Variants in THSD7B observed in about 807,000 individuals in gnomAD.
THSD7B encodes the protein thrombospondin type 1 domain containing 7B, also known as thrombospondin type-1 domain-containing protein 7B.
Under a neutral mutation model 213.6 loss-of-function variants are expected in THSD7B, and 138 were observed. The observed-to-expected ratio is 0.65, with a 90% CI of 0.56 to 0.74. THSD7B has a LOEUF of 0.74. Ranked by LOEUF, THSD7B falls within the 30% of genes least tolerant of loss-of-function variation. The probability of loss-of-function intolerance (pLI) is 0.00; values close to 1 mark genes in which losing one functional copy is unlikely to be tolerated. For synonymous variants in THSD7B, 742 were observed against 687.0 expected (o/e 1.08, Z -1.25); for missense variants, 1,931 against 1,991.5 (o/e 0.97, Z 0.58).
At chr2:136,814,676 A>G (rs992990043) in intron 1 of THSD7B, among the ~76,000 whole-genome samples, 2 of 152,130 alleles carry the variant, frequency 1.3e-5, no homozygotes. Context: ...GGGATTACAG[A>G]CGTGGTTTTA....
chr2:137,487,102 C>T (rs1236517327), intron 15 of THSD7B, among the ~76,000 whole-genome samples: 3 of 150,570 alleles, frequency 2.0e-5, no homozygotes, highest in African/African-American at 7.5e-5. Context: ...GGCGCGGTGG[C>T]TCACGCCTGT....
At chr2:136,940,012 G>C (rs1684793967) in intron 2 of THSD7B, among the ~76,000 whole-genome samples, 1 of 152,066 alleles carries the variant, frequency 6.6e-6, no homozygotes, top group Non-Finnish European at 1.5e-5. Context: ...CCTTCCTTCT[G>C]TATGATAAAT....
intron 5 of THSD7B, among the ~76,000 whole-genome samples, chr2:137,142,973 A>G (rs979853346): frequency 6.6e-6 from 1 of 152,136 alleles, no homozygotes; most frequent in Non-Finnish European, 1.5e-5. Context: ...CAGATATTTC[A>G]ATGTTGAACT....
chr2:136,969,332 G>A (rs1004745005), intron 2 of THSD7B, among the ~76,000 whole-genome samples: 9 of 152,076 alleles, frequency 5.9e-5, no homozygotes, highest in African/African-American at 2.2e-4. Context: ...CATGGCTATG[G>A]TAAACCTGTA....
intron 1 of THSD7B, among the ~76,000 whole-genome samples, chr2:136,851,779 A>G (rs900545277): frequency 2.0e-5 from 3 of 152,106 alleles, no homozygotes; most frequent in African/African-American, 7.2e-5. Flanking sequence ...GGACAAAGTA[A>G]TTCATATTGG....
Position 136,935,951 on chromosome 2 carries a change from T to G in THSD7B, c.139+53634T>G, listed in dbSNP as rs544691690. On this transcript the variant is annotated intron_variant, in intron 2 of 27. Coordinates refer to ENST00000409968, the MANE Select transcript of THSD7B (RefSeq NM_001316349.2). ...ATAATTATAATTATATAATTATATA[T>G]TCTAGAGAATATTCTAAATATATTA... Among the ~76,000 whole-genome samples, 255 of 147,974 alleles carry G rather than the reference T, an allele frequency of 1.7e-3. 1 individual carries two copies. Among genetic ancestry groups the G allele is most frequent in the African/African-American group, 6.0e-3 (246 of 40,856 alleles).
At chr2:137,463,404 T>C (rs1466680404) in intron 15 of THSD7B, among the ~76,000 whole-genome samples, 1 of 151,500 alleles carries the variant, frequency 6.6e-6, no homozygotes, top group Non-Finnish European at 1.5e-5. Context: ...ACTCAACTGC[T>C]TTTTTTTTCT....
chr2:137,208,349 C>G (rs1438576755), intron 7 of THSD7B, among the ~76,000 whole-genome samples: 1 of 151,990 alleles, frequency 6.6e-6, no homozygotes, highest in Non-Finnish European at 1.5e-5. Context: ...CTTCAGACCC[C>G]CAGTAAACTT....
intron 2 of THSD7B, among the ~76,000 whole-genome samples, chr2:136,907,134 G>C (rs550175679): frequency 1.4e-4 from 21 of 151,548 alleles, no homozygotes; most frequent in African/African-American, 4.6e-4. Context: ...TAGTAGAAAC[G>C]GGATTTCGCC....
chr2:137,659,489 A>C (rs917972472), intron 24 of THSD7B, among the ~76,000 whole-genome samples, 175 bp from the exon 25 acceptor site: 4 of 152,198 alleles, frequency 2.6e-5, no homozygotes, highest in African/African-American at 7.2e-5. Flanking sequence ...TCCCATCTCA[A>C]TTCATTTTAG....
chr2:137,056,324 G>A lies in THSD7B; in HGVS notation c.140-96G>A, dbSNP rs763241160. 4.8e-4 allele frequency: 617 copies of A among 1,275,086 alleles called. 1 individual carries two copies. Among genetic ancestry groups the A allele is most frequent in the Non-Finnish European group, 6.0e-4 (565 of 939,350 alleles). 79.0% of individuals were successfully genotyped at this position (1,275,086 alleles called of 1,614,324 possible). A position where few individuals can be genotyped will look rare whatever the true frequency, so the allele number is the denominator to read the frequency against. On this transcript the variant is annotated intron_variant, in intron 2 of 27. Transcript: ENST00000409968. ...CCACCAAAATTCCTAATTTCATACT[G>A]CTTGTGTTGGAAAGTGTGTTAATTG...
At chr2:137,664,387 T>C (rs1282246827) in intron 26 of THSD7B, among the ~76,000 whole-genome samples, 1 of 152,170 alleles carries the variant, frequency 6.6e-6, no homozygotes, top group East Asian at 1.9e-4. Context: ...TTATGTATAG[T>C]TTCTTAACTT....
chr2:137,001,325 A>G (rs1573759369), intron 2 of THSD7B, among the ~76,000 whole-genome samples: 2 of 152,104 alleles, frequency 1.3e-5, no homozygotes, highest in African/African-American at 4.8e-5. Flanking sequence ...TAAAATCACA[A>G]TTTCTGGCCA....
At chr2:137,062,686 ATTC>A (rs1687299882) in intron 3 of THSD7B, among the ~76,000 whole-genome samples, 2 of 151,740 alleles carry the variant, frequency 1.3e-5, no homozygotes, top group Non-Finnish European at 1.5e-5. Flanking sequence ...TATGATTTCT[ATTC>A]TTTTAGATTT....
At chr2:137,053,669 A>G (rs563888277) in intron 2 of THSD7B, among the ~76,000 whole-genome samples, 13 of 152,260 alleles carry the variant, frequency 8.5e-5, no homozygotes, top group Admixed American at 5.9e-4. Flanking sequence ...GTGTAATATT[A>G]ACTTTTGAAG....
chr2:137,022,120 G>A (rs1686455213), intron 2 of THSD7B, among the ~76,000 whole-genome samples: 1 of 152,082 alleles, frequency 6.6e-6, no homozygotes, highest in Non-Finnish European at 1.5e-5. Context: ...TTTCCAGTTT[G>A]GGGCTACGAT....
chr2:137,409,062 C>T (rs1686591486), intron 13 of THSD7B, among the ~76,000 whole-genome samples: 1 of 152,154 alleles, frequency 6.6e-6, no homozygotes, highest in African/African-American at 2.4e-5. Flanking sequence ...TACAAATGGG[C>T]ACAAATCATA....
intron 12 of THSD7B, among the ~76,000 whole-genome samples, chr2:137,280,210 A>G (rs541581275): frequency 6.6e-6 from 1 of 152,282 alleles, no homozygotes; most frequent in African/African-American, 2.4e-5. Flanking sequence ...AATCCATAAA[A>G]GTAAAAACTG....
intron 2 of THSD7B, among the ~76,000 whole-genome samples, chr2:136,937,947 G>A (rs113047974): frequency 2.0e-5 from 3 of 152,244 alleles, no homozygotes; most frequent in African/African-American, 7.2e-5. Context: ...CACATGAGTA[G>A]GGCTTGTATT....
Sources: gnomAD v4.1 joint callset for allele counts (sites outside exome capture counted in the v4.1 genomes callset) on GRCh38, gnomAD v4.1.1 for gene constraint, MANE v1.5 for transcripts, NCBI Gene and HGNC (gene_info 2026-07-23, HGNC 2026-07-21) for gene names.